The following STRADA variants were observed in gnomAD, a reference collection of about 807,000 sequenced individuals.
STRADA encodes the protein STE20-related kinase adapter protein alpha.
Under a neutral mutation model 55.0 loss-of-function variants are expected in STRADA, and 26 were observed. That is an observed-to-expected ratio of 0.47 (90% CI 0.35 to 0.66). STRADA has a LOEUF of 0.66. Among genes scored for constraint, STRADA ranks in the 30% least tolerant of loss-of-function variants. The pLI is 0.01. For missense variants in STRADA, 443 were observed against 549.7 expected (o/e 0.81, Z 1.94); for synonymous variants, 197 against 210.9 (o/e 0.93, Z 0.57).
chr17:63,736,499 G>C (rs917656758), intron 1 of STRADA, among the ~76,000 whole-genome samples: 7 of 151,786 alleles, frequency 4.6e-5, no homozygotes, highest in African/African-American at 1.7e-4. Context: ...ATGTTGGCAG[G>C]TGCCTGTAAT....
chr17:63,736,843 C>G (rs921511768), intron 1 of STRADA, among the ~76,000 whole-genome samples: 7 of 139,380 alleles, frequency 5.0e-5, no homozygotes, highest in East Asian at 2.2e-4. Flanking sequence ...CCCACGCCCC[C>G]CCCACCAAAA....
chr17:63,739,956 A>G (rs1357467690), intron 1 of STRADA, among the ~76,000 whole-genome samples: 9 of 146,692 alleles, frequency 6.1e-5, no homozygotes, highest in Non-Finnish European at 1.0e-4. Context: ...TGCACCAGGC[A>G]CCCCGCCAGG....
At position 63,741,777 on chromosome 17, in the gene STRADA, G is replaced by A. The variant is rs530709980; in HGVS notation, c.-81C>T. 6.5e-6 allele frequency: 1 copy of A among 153,176 alleles called. No homozygotes were observed. Among genetic ancestry groups the A allele is most frequent in the African/African-American group, 2.4e-5 (1 of 41,606 alleles). The allele number at this position is 153,176 out of a possible 1,614,324, so 9.5% of individuals were successfully genotyped here. Reference sequence around the variant, plus strand: ...GTTAGCAAGCAGCCCCGACCGTCTTGGCTCCGCCTCCTCAGTTTTACTGCC... The same window carrying A: ...GTTAGCAAGCAGCCCCGACCGTCTTAGCTCCGCCTCCTCAGTTTTACTGCC... On this transcript the variant is annotated 5_prime_UTR_variant, in exon 1 of 13. Transcript: ENST00000336174.
rs1302731691 is a variant in STRADA, at chr17:63,704,408, G to A, written c.1033C>T (p.His345Tyr). 1 of 1,612,760 alleles carries A rather than the reference G, an allele frequency of 6.2e-7. No homozygotes were observed. Among genetic ancestry groups the A allele is most frequent in the Non-Finnish European group, 8.5e-7 (1 of 1,179,690 alleles). ...SNGDSPSHPY[H>Y]RTFSPHFHHF... ...TGGAAGTGGGGGGAGAAGGTTCGGTGGTAGGGGTGGGAGGGCGAGTCACCG... is the reference window on the plus strand; with the variant it reads ...TGGAAGTGGGGGGAGAAGGTTCGGTAGTAGGGGTGGGAGGGCGAGTCACCG... The change falls in exon 11 of 13, where the codon CAC (histidine) becomes TAC (tyrosine). Residue 345 changes from histidine (H) to tyrosine (Y), a missense_variant. By Grantham distance (83) the His-to-Tyr change is moderately conservative. Coordinates refer to ENST00000336174, the MANE Select transcript of STRADA (RefSeq NM_001003787.4).
chr17:63,714,611 G>A (rs1877315444), intron 4 of STRADA: 1 of 197,908 alleles, frequency 5.1e-6, no homozygotes, highest in African/African-American at 2.4e-5. Flanking sequence ...CAAACCAAGA[G>A]CCCGGGCCAG....
intron 1 of STRADA, chr17:63,737,277 A>AAAAAAAAAAAAG (rs2038514342): frequency 3.5e-5 from 5 of 143,564 alleles, no homozygotes; most frequent in South Asian, 2.3e-4. Flanking sequence ...AAAAAAAAAA[A>AAAAAAAAAAAAG]TTGAGATAGT....
At chr17:63,733,020 T>C (rs1874424350) in intron 1 of STRADA, among the ~76,000 whole-genome samples, 1 of 152,190 alleles carries the variant, frequency 6.6e-6, no homozygotes, top group Non-Finnish European at 1.5e-5. Context: ...CCCAAGTAGC[T>C]GGGATTACAG....
intron 1 of STRADA, among the ~76,000 whole-genome samples, chr17:63,740,282 T>C (rs1799442824): frequency 6.6e-6 from 1 of 151,032 alleles, no homozygotes; most frequent in African/African-American, 2.4e-5. Context: ...AGGTCGAGGC[T>C]GGTGGATCAC....
At chr17:63,726,578 A>AT in intron 3 of STRADA, 60 bp downstream of exon 3, 6 of 1,548,562 alleles carry the variant, frequency 3.9e-6, no homozygotes, top group Non-Finnish European at 5.3e-6. Flanking sequence ...TGATTTAGTC[A>AT]ACAAAAAAGT....
At chr17:63,724,434 C>A (rs1460206460) in intron 3 of STRADA, among the ~76,000 whole-genome samples, 2 of 147,308 alleles carry the variant, frequency 1.4e-5, no homozygotes, top group African/African-American at 2.5e-5. Context: ...TGAGCCACTG[C>A]GCCTGGCCTA....
chr17:63,705,055 C>G lies in STRADA; in HGVS notation c.859-473G>C, dbSNP rs535756240. On this transcript the variant is annotated intron_variant, in intron 10 of 12. Transcript: ENST00000336174. ...GCAGGCCACACGGGAGCAAGATGCC[C>G]AAGGGGAGGCCAGGCTGGGTGGCTG... The G allele has an allele frequency of 1.8e-5, 14 of 787,062 alleles. No homozygotes were observed. In the Admixed American group the frequency reaches 3.0e-4, roughly 17 times the overall value. 48.8% of individuals were successfully genotyped at this position (787,062 alleles called of 1,614,324 possible). A position where few individuals can be genotyped will look rare whatever the true frequency, so the allele number is the denominator to read the frequency against.
chr17:63,709,264 C>T (rs886983810), intron 8 of STRADA, among the ~76,000 whole-genome samples: 5 of 152,246 alleles, frequency 3.3e-5, no homozygotes, highest in African/African-American at 1.2e-4. Context: ...CCTTGCCACA[C>T]TGGGACTCGT....
intron 1 of STRADA, among the ~76,000 whole-genome samples, chr17:63,740,111 TACATAC>T (rs2038797482): frequency 3.9e-5 from 3 of 76,340 alleles, no homozygotes; most frequent in Admixed American, 1.4e-4. Context: ...TATATATACA[TACATAC>T]ATATATATAT....
chr17:63,731,597 A>G (rs567707240), intron 1 of STRADA, among the ~76,000 whole-genome samples: 8 of 152,052 alleles, frequency 5.3e-5, no homozygotes, highest in African/African-American at 1.9e-4. Flanking sequence ...TCCTTTTCCA[A>G]CCCCAGCTGA....
At chr17:63,714,149 G>T in intron 4 of STRADA, 41 bp from the exon 5 acceptor site, 1 of 1,516,844 alleles carries the variant, frequency 6.6e-7, no homozygotes. Context: ...GAGAAAACTG[G>T]GGGTGGGATG....
chr17:63,719,547 G>A lies in STRADA; in HGVS notation c.123+3751C>T, dbSNP rs139402037. Among the ~76,000 whole-genome samples the A allele has an allele frequency of 6.9e-3, 1,047 of 151,118 alleles. 12 individuals are homozygous for A. The highest frequency in any genetic ancestry group is 0.031 in the Middle Eastern group (9 of 294). On this transcript the variant is annotated intron_variant, in intron 4 of 12. Transcript: ENST00000336174. ...CGCCCAGGCTGGAGTGCAATGGCGC[G>A]ATCTCGGCTCACTGCAACCTCCACC...
chr17:63,703,846 G>T (rs2035876937), intron 12 of STRADA, 95 bp from the exon 13 acceptor site: 2 of 1,610,426 alleles, frequency 1.2e-6, no homozygotes, highest in Non-Finnish European at 1.7e-6. Flanking sequence ...CAGACGGGCT[G>T]TCGGAGCCAA....
chr17:63,707,935 C>T (rs1258967576), intron 8 of STRADA, among the ~76,000 whole-genome samples: 1 of 149,810 alleles, frequency 6.7e-6, no homozygotes, highest in African/African-American at 2.5e-5. Flanking sequence ...GACAGGGTTT[C>T]ACTGTGTTAG....
chr17:63,739,222 G>GC (rs2144358718), intron 1 of STRADA, among the ~76,000 whole-genome samples: 1 of 149,866 alleles, frequency 6.7e-6, no homozygotes, highest in African/African-American at 2.5e-5. Flanking sequence ...TTTCTTTATA[G>GC]CCCCCTATAC....
Sources: allele counts gnomAD v4.1 joint callset (sites outside exome capture counted in the v4.1 genomes callset), GRCh38; gene constraint gnomAD v4.1.1; transcripts MANE v1.5; gene names NCBI Gene and HGNC (gene_info 2026-07-23, HGNC 2026-07-21).